Variants in CEBPZOS observed in about 807,000 individuals in gnomAD.
CEBPZOS encodes the protein CEBPZ opposite strand.
A neutral mutation model predicts 4.8 loss-of-function variants in CEBPZOS; 10 were observed. That is an observed-to-expected ratio of 2.07 (90% CI 1.28 to 3.52). The LOEUF (loss-of-function observed/expected upper bound fraction) is 3.52. CEBPZOS is among the 30% of genes most tolerant of loss of function. CEBPZOS has a pLI of 0.00. For missense variants in CEBPZOS, 98 were observed against 43.6 expected, an observed-to-expected ratio of 2.25 and a Z score of -3.51; for synonymous variants, 25 against 14.2, an observed-to-expected ratio of 1.77 and a Z score of -1.72.
chr2:37,213,858 A>C, downstream of CEBPZOS: 2 of 1,586,192 alleles, frequency 1.3e-6, no homozygotes, highest in Non-Finnish European at 1.7e-6. Flanking sequence ...CAACAAAACA[A>C]ATTACCAATC....
In CEBPZOS at chr2:37,203,279, A is replaced by T. The variant is rs565751664; in HGVS notation, c.*1419A>T. 36 of 243,842 alleles carry T rather than the reference A, an allele frequency of 1.5e-4. No individual in the cohort carries two copies. The highest frequency in any genetic ancestry group is 2.4e-4 in the Non-Finnish European group (31 of 128,578). The allele number at this position is 243,842 out of a possible 1,614,324, so 15.1% of individuals were successfully genotyped here. On this transcript the variant is annotated 3_prime_UTR_variant, in exon 5 of 5. Coordinates refer to ENST00000402297, the MANE Select transcript of CEBPZOS (RefSeq NM_001322374.2). ...GGCCACTGATCGAAGTTTTACCCAT[A>T]AGGGAAATAACATAGTATCAAGCAA...
At chr2:37,207,134 G>A (rs1232352760), downstream of CEBPZOS, among the ~76,000 whole-genome samples, 1 of 152,140 alleles carries the variant, frequency 6.6e-6, no homozygotes, top group South Asian at 2.1e-4. Flanking sequence ...CCTACCACCA[G>A]AGCTTCCAAA....
chr2:37,211,753 G>C, intron 4 of CEBPZOS: 1 of 891,034 alleles, frequency 1.1e-6, no homozygotes, highest in Non-Finnish European at 1.7e-6. Context: ...TGAATACAGG[G>C]CTATATTAAA....
intron 1 of CEBPZOS, among the ~76,000 whole-genome samples, chr2:37,198,064 G>A (rs2148315686): frequency 6.6e-6 from 1 of 151,966 alleles, no homozygotes; most frequent in South Asian, 2.1e-4. Flanking sequence ...GGAGGCTGAG[G>A]CAAGAGAATT....
At chr2:37,209,092 G>A (rs772739841), downstream of CEBPZOS, 12 of 151,452 alleles carry the variant, frequency 7.9e-5, no homozygotes, top group Non-Finnish European at 2.9e-5. Context: ...CCTAATCAAG[G>A]AGGTGAAAGA....
intron 4 of CEBPZOS, chr2:37,212,757 G>A (rs971556189): frequency 5.6e-6 from 1 of 177,088 alleles, no homozygotes; most frequent in African/African-American, 2.4e-5. Flanking sequence ...AACATCTCAT[G>A]CTTGTAATTC....
Position 37,201,665 on chromosome 2 carries a change from T to C in CEBPZOS, c.184T>C (p.Ser62Pro), listed in dbSNP as rs1465068358. Residue 62 changes from serine to proline, a missense_variant, in exon 4 of 5, where the codon TCT becomes CCT. Physicochemically the swap from Ser to Pro is moderately conservative, Grantham distance 74. Coordinates refer to ENST00000402297, the MANE Select transcript of CEBPZOS (RefSeq NM_001322374.2). ...LEVYYKSTEK[S>P]GMYGIRELDQ... ...AGTTTATTACAAATCCACTGAGAAG[T>C]CTGGAATGTATGGAATCAGAGAGCT... 3 of 782,576 alleles carry C rather than the reference T, an allele frequency of 3.8e-6. No homozygotes were observed. Among genetic ancestry groups the C allele is most frequent in the Non-Finnish European group, 6.7e-6 (3 of 446,242 alleles). The allele number at this position is 782,576 out of a possible 1,614,324, so 48.5% of individuals were successfully genotyped here.
intron 4 of CEBPZOS, among the ~76,000 whole-genome samples, chr2:37,213,166 C>T (rs1677781544): frequency 6.6e-6 from 1 of 152,200 alleles, no homozygotes; most frequent in Non-Finnish European, 1.5e-5. Flanking sequence ...ATCAAAATTT[C>T]TGTAGCTCTG....
At chr2:37,211,981 C>A in intron 4 of CEBPZOS, 1 of 1,612,624 alleles carries the variant, frequency 6.2e-7, no homozygotes, top group Non-Finnish European at 8.5e-7. Flanking sequence ...TCATCACTAC[C>A]TTCTGAATCT....
In CEBPZOS at chr2:37,203,167, G is replaced by GAGTT. The variant is rs1572488097; in HGVS notation, c.*1311_*1314dup. The GAGTT allele has an allele frequency of 8.0e-6, 4 of 497,114 alleles. No individual in the cohort carries two copies. In the East Asian group the frequency reaches 1.3e-4, roughly 17 times the overall value. 30.8% of individuals were successfully genotyped at this position (497,114 alleles called of 1,614,324 possible). ...TAGCTGGCATTTAAATATAATTTAA[G>GAGTT]AGTTAGTATATAATATTTTCAAAAA... On this transcript the variant is annotated 3_prime_UTR_variant, in exon 5 of 5. Transcript: ENST00000402297.
chr2:37,201,393 C>T, intron 3 of CEBPZOS: 1 of 498,416 alleles, frequency 2.0e-6, no homozygotes, highest in South Asian at 2.7e-5. Context: ...TTGCTAACTT[C>T]TTGGAGCTGT....
chr2:37,199,615 T>C (rs1275371341), intron 1 of CEBPZOS, 89 bp from the exon 2 acceptor site: 2 of 658,714 alleles, frequency 3.0e-6, no homozygotes, highest in Non-Finnish European at 5.6e-6. Context: ...CCATTCAAAC[T>C]GTGGGAATGA....
chr2:37,208,140 C>T (rs748226029), downstream of CEBPZOS, among the ~76,000 whole-genome samples: 3 of 151,934 alleles, frequency 2.0e-5, no homozygotes, highest in Non-Finnish European at 2.9e-5. Context: ...ACAAGTAGCA[C>T]GACTGAAACA....
chr2:37,197,663 G>A (rs1257361055), intron 1 of CEBPZOS, among the ~76,000 whole-genome samples: 1 of 152,174 alleles, frequency 6.6e-6, no homozygotes, highest in Non-Finnish European at 1.5e-5. Flanking sequence ...CTTGAGGTCG[G>A]AAGTTAGCCT....
intron 4 of CEBPZOS, chr2:37,211,124 A>G (rs529135111): frequency 6.3e-5 from 83 of 1,310,470 alleles, no homozygotes; most frequent in African/African-American, 4.0e-4. Context: ...TTTAAAAACA[A>G]TAAGACTGGA....
downstream of CEBPZOS, among the ~76,000 whole-genome samples, chr2:37,208,167 CAACAA>C (rs2148342762): frequency 6.6e-6 from 1 of 152,132 alleles, no homozygotes; most frequent in South Asian, 2.1e-4. Context: ...AAAAAACTGC[CAACAA>C]AACAAAGTCC....
downstream of CEBPZOS, among the ~76,000 whole-genome samples, chr2:37,208,060 T>C (rs1347956272): frequency 2.0e-5 from 3 of 152,036 alleles, no homozygotes; most frequent in Admixed American, 2.0e-4. Flanking sequence ...GAAAAATGGA[T>C]AAATTCCTGG....
At chr2:37,216,154 A>G (rs746326007), downstream of CEBPZOS, 1 of 1,611,846 alleles carries the variant, frequency 6.2e-7, no homozygotes, top group East Asian at 2.2e-5. Context: ...AAGATGACGA[A>G]TATCCTTAAT....
downstream of CEBPZOS, among the ~76,000 whole-genome samples, chr2:37,208,341 C>A (rs143884232): frequency 9.6e-4 from 146 of 151,918 alleles, 1 homozygote; most frequent in African/African-American, 3.3e-3. Context: ...AATGACATAA[C>A]AAAAGAAAAC....
Sources: gnomAD v4.1 joint callset for allele counts (sites outside exome capture counted in the v4.1 genomes callset) on GRCh38, gnomAD v4.1.1 for gene constraint, MANE v1.5 for transcripts, NCBI Gene and HGNC (gene_info 2026-07-23, HGNC 2026-07-21) for gene names.